The following NXPH2 variants were observed in gnomAD, a reference collection of about 807,000 sequenced individuals.
NXPH2 encodes neurexophilin-2.
Under a neutral mutation model 19.8 loss-of-function variants are expected in NXPH2, and 5 were observed. The ratio of observed to expected loss-of-function variants is 0.25; its 90% CI spans 0.13 to 0.53. NXPH2 has a LOEUF of 0.53. Ranked by LOEUF, NXPH2 falls within the 20% of genes least tolerant of loss-of-function variation. The pLI is 0.96. For synonymous variants in NXPH2, 154 were observed against 127.4 expected, an observed-to-expected ratio of 1.21 and a Z score of -1.41; for missense variants, 289 against 322.8, an observed-to-expected ratio of 0.90 and a Z score of 0.80.
At chr2:138,719,569 A>G (rs1180770992) in intron 1 of NXPH2, among the ~76,000 whole-genome samples, 1 of 152,222 alleles carries the variant, frequency 6.6e-6, no homozygotes, top group Non-Finnish European at 1.5e-5. Flanking sequence ...TACTTTCTTC[A>G]TTTAAAACTT....
chr2:138,724,687 C>T (rs183385714), intron 1 of NXPH2, among the ~76,000 whole-genome samples: 7 of 152,244 alleles, frequency 4.6e-5, no homozygotes, highest in Non-Finnish European at 7.4e-5. Context: ...GGAGATGTGG[C>T]GAAACAGTGA....
At chr2:138,718,889 G>A (rs2104992359) in intron 1 of NXPH2, among the ~76,000 whole-genome samples, 1 of 152,228 alleles carries the variant, frequency 6.6e-6, no homozygotes, top group African/African-American at 2.4e-5. Context: ...GGAAGTACAG[G>A]AGACGGGAGA....
At chr2:138,674,206 T>C (rs1680453254) in intron 1 of NXPH2, among the ~76,000 whole-genome samples, 3 of 151,730 alleles carry the variant, frequency 2.0e-5, no homozygotes, top group Non-Finnish European at 1.5e-5. Context: ...CAGGCTGGAG[T>C]GGAGTGGTGC....
intron 1 of NXPH2, among the ~76,000 whole-genome samples, chr2:138,749,983 CAAAT>C (rs756244511): frequency 6.6e-5 from 10 of 152,156 alleles, no homozygotes; most frequent in Non-Finnish European, 1.3e-4. Context: ...TGTCCAGTCT[CAAAT>C]AAGACAAAGA....
chr2:138,775,303 A>G (rs982498799), intron 1 of NXPH2, among the ~76,000 whole-genome samples: 3 of 152,162 alleles, frequency 2.0e-5, no homozygotes, highest in African/African-American at 7.2e-5. Context: ...AGATTTTCAT[A>G]AGTTAAAAAA....
chr2:138,715,764 T>C (rs1681187762), intron 1 of NXPH2, among the ~76,000 whole-genome samples: 1 of 152,116 alleles, frequency 6.6e-6, no homozygotes, highest in Non-Finnish European at 1.5e-5. Context: ...AGGTCTAGAG[T>C]CACCTAAATC....
intron 1 of NXPH2, among the ~76,000 whole-genome samples, chr2:138,754,385 C>T (rs1165866883): frequency 2.6e-5 from 4 of 152,270 alleles, no homozygotes; most frequent in South Asian, 2.1e-4. Context: ...GATCTTTTTA[C>T]CATCTCTATA....
At chr2:138,687,310 T>C (rs1472234877) in intron 1 of NXPH2, among the ~76,000 whole-genome samples, 2 of 152,234 alleles carry the variant, frequency 1.3e-5, no homozygotes, top group Non-Finnish European at 2.9e-5. Context: ...CCAGTGATGA[T>C]GAGCATTTTT....
rs533512199 is a variant in NXPH2 at position 138,772,346 on chromosome 2, G to A, written c.51+7845C>T. 9.2e-5 allele frequency among the ~76,000 whole-genome samples: 14 copies of A among 152,174 alleles called. 1 individual carries two copies. In the South Asian group the frequency reaches 2.9e-3, roughly 32 times the overall value. ...AGTTGCACTCTTATTGCCCAAGCTG[G>A]AGTGCAATGGCACGATCTTGGCTCA... is the stretch of plus-strand genomic sequence containing the variant. On this transcript the variant is annotated intron_variant, in intron 1 of 1. Transcript: ENST00000272641.
At chr2:138,674,510 T>G (rs1372066068) in intron 1 of NXPH2, among the ~76,000 whole-genome samples, 3 of 152,130 alleles carry the variant, frequency 2.0e-5, no homozygotes. Flanking sequence ...GGTCTTGAAC[T>G]CCAGCCTCAA....
chr2:138,696,078 T>C (rs11891273), intron 1 of NXPH2, among the ~76,000 whole-genome samples: 4,396 of 152,248 alleles, frequency 0.029, 204 homozygotes, highest in African/African-American at 0.1. Context: ...GGCATAGATA[T>C]GTATATATTT....
In NXPH2 at chr2:138,670,259, A is replaced by G. The variant is rs1017150520; in HGVS notation, c.*663T>C. Reference sequence around the variant, plus strand: ...TCCCATTACATCAGTATTCAAACTCAGGGGGAATCATAAGAATGGTGACCA... The same window carrying G: ...TCCCATTACATCAGTATTCAAACTCGGGGGGAATCATAAGAATGGTGACCA... On this transcript the variant is annotated 3_prime_UTR_variant, in exon 2 of 2. Transcript: ENST00000272641. Among the ~76,000 whole-genome samples, 1 of 152,220 alleles carries G rather than the reference A, an allele frequency of 6.6e-6. No individual in the cohort carries two copies. Among genetic ancestry groups the G allele is most frequent in the African/African-American group, 2.4e-5 (1 of 41,460 alleles).
chr2:138,697,627 A>G (rs985385180), intron 1 of NXPH2, among the ~76,000 whole-genome samples: 1 of 151,924 alleles, frequency 6.6e-6, no homozygotes, highest in African/African-American at 2.4e-5. Context: ...TTGTCTCAGG[A>G]TAATACATTC....
chr2:138,755,873 T>C (rs1165773314), intron 1 of NXPH2, among the ~76,000 whole-genome samples: 1 of 152,024 alleles, frequency 6.6e-6, no homozygotes, highest in Non-Finnish European at 1.5e-5. Flanking sequence ...GTTTTTCACA[T>C]ATAGATCATG....
chr2:138,710,966 G>T (rs1022537097), intron 1 of NXPH2, among the ~76,000 whole-genome samples: 1 of 152,116 alleles, frequency 6.6e-6, no homozygotes, highest in East Asian at 1.9e-4. Flanking sequence ...TTGGTTCACA[G>T]TCATCTTGCT....
chr2:138,737,025 G>C (rs548420201), intron 1 of NXPH2, among the ~76,000 whole-genome samples: 1 of 152,302 alleles, frequency 6.6e-6, no homozygotes, highest in East Asian at 1.9e-4. Context: ...TTTGGGCATA[G>C]CCATTCAACA....
chr2:138,736,351 T>C (rs1681538059), intron 1 of NXPH2, among the ~76,000 whole-genome samples: 1 of 152,230 alleles, frequency 6.6e-6, no homozygotes, highest in African/African-American at 2.4e-5. Context: ...CCTCAATTCT[T>C]GACTTCTGGG....
intron 1 of NXPH2, among the ~76,000 whole-genome samples, chr2:138,776,325 C>T: frequency 6.6e-6 from 1 of 151,812 alleles, no homozygotes; most frequent in East Asian, 1.9e-4. Context: ...CAAAAAAATA[C>T]AGAACAAAGA....
intron 1 of NXPH2, among the ~76,000 whole-genome samples, chr2:138,684,623 T>A (rs1444872769): frequency 1.3e-5 from 2 of 152,090 alleles, no homozygotes; most frequent in Non-Finnish European, 2.9e-5. Flanking sequence ...CAAATCAGGG[T>A]CAATTTTATC....
Sources: gnomAD v4.1 joint callset for allele counts (sites outside exome capture counted in the v4.1 genomes callset) on GRCh38, gnomAD v4.1.1 for gene constraint, MANE v1.5 for transcripts, NCBI Gene and HGNC (gene_info 2026-07-23, HGNC 2026-07-21) for gene names.